KIAA1217: variants seen among roughly 807,000 people sequenced by gnomAD.
KIAA1217 encodes sickle tail protein homolog.
KIAA1217 carries 88 observed loss-of-function variants against 163.9 expected under a neutral mutation model. The observed-to-expected ratio is 0.54, with a 90% CI of 0.45 to 0.64. The LOEUF (loss-of-function observed/expected upper bound fraction) is 0.64, where lower values mean the gene tolerates loss of function less well. Ranked by LOEUF, KIAA1217 falls within the 30% of genes least tolerant of loss-of-function variation. The probability of loss-of-function intolerance (pLI) is 0.00; values close to 1 mark genes in which losing one functional copy is unlikely to be tolerated. For missense variants in KIAA1217, 2,372 were observed against 2,475.0 expected (o/e 0.96, Z 0.88); for synonymous variants, 903 against 923.1 (o/e 0.98, Z 0.39).
intron 1 of KIAA1217, among the ~76,000 whole-genome samples, chr10:23,849,029 C>G (rs1839179131): frequency 6.6e-6 from 1 of 151,892 alleles, no homozygotes; most frequent in African/African-American, 2.4e-5. Context: ...TGGCACAGTC[C>G]TAGGACAAAG....
chr10:23,698,849 A>T (rs920333380), intron 1 of KIAA1217, among the ~76,000 whole-genome samples: 2 of 151,994 alleles, frequency 1.3e-5, no homozygotes, highest in Middle Eastern at 3.4e-3. Context: ...CAGTGGCATG[A>T]TCTCTGCTTA....
chr10:23,889,496 TAC>T (rs1247996970), intron 1 of KIAA1217, among the ~76,000 whole-genome samples: 1 of 151,888 alleles, frequency 6.6e-6, no homozygotes, highest in Non-Finnish European at 1.5e-5. Context: ...GTCTTTATAT[TAC>T]AGATTTGTAA....
chr10:24,403,332 G>T (rs540061467), intron 3 of KIAA1217, among the ~76,000 whole-genome samples: 1 of 152,116 alleles, frequency 6.6e-6, no homozygotes, highest in East Asian at 1.9e-4. Context: ...TCTGCCACCC[G>T]GGTTCGAGCA....
At chr10:23,888,434 A>G (rs1193414427) in intron 1 of KIAA1217, among the ~76,000 whole-genome samples, 1 of 151,916 alleles carries the variant, frequency 6.6e-6, no homozygotes, top group Non-Finnish European at 1.5e-5. Flanking sequence ...ATAGATATAC[A>G]CATCTATAAT....
chr10:24,013,160 T>C (rs2131495249), intron 2 of KIAA1217, among the ~76,000 whole-genome samples: 1 of 152,214 alleles, frequency 6.6e-6, no homozygotes, highest in East Asian at 1.9e-4. Flanking sequence ...GATTTCACTG[T>C]TTAAAAATGG....
chr10:23,744,008 G>A (rs1363410916), intron 1 of KIAA1217, among the ~76,000 whole-genome samples: 3 of 152,204 alleles, frequency 2.0e-5, no homozygotes. Context: ...AGGGCTGGAA[G>A]GAGAGATAGT....
At chr10:23,833,454 G>A (rs1034060902) in intron 1 of KIAA1217, among the ~76,000 whole-genome samples, 5 of 150,698 alleles carry the variant, frequency 3.3e-5, no homozygotes, top group African/African-American at 1.2e-4. Flanking sequence ...CTGCACTCTA[G>A]GCTGGATGAC....
chr10:24,506,673 G>A (rs1328226450), intron 9 of KIAA1217, among the ~76,000 whole-genome samples: 5 of 152,156 alleles, frequency 3.3e-5, no homozygotes, highest in East Asian at 1.9e-4. Context: ...ACACAGGACC[G>A]TAATCCTTAG....
chr10:24,209,268 G>C lies in KIAA1217; in HGVS notation c.70+5G>C. 6.2e-7 allele frequency: 1 copy of C among 1,610,340 alleles called. No individual in the cohort carries two copies. Among genetic ancestry groups the C allele is most frequent in the Non-Finnish European group, 8.5e-7 (1 of 1,177,114 alleles). The stretch of plus-strand genomic sequence containing the variant: ...CAGACAGAAGACAGATGCAGGGTAA[G>C]TAACAGACCCATTCAAAGATGGAGT... On this transcript the variant is annotated splice_donor_5th_base_variant and intron_variant, in intron 1 of 20. Coordinates refer to ENST00000376454, the MANE Select transcript of KIAA1217 (RefSeq NM_019590.5).
At chr10:23,737,002 T>G (rs930764031) in intron 1 of KIAA1217, among the ~76,000 whole-genome samples, 5 of 152,200 alleles carry the variant, frequency 3.3e-5, no homozygotes, top group African/African-American at 1.2e-4. Context: ...AAGATCAATT[T>G]GAAAAAAAAT....
intron 1 of KIAA1217, among the ~76,000 whole-genome samples, chr10:23,901,776 T>C (rs1419992066): frequency 1.3e-5 from 2 of 151,820 alleles, no homozygotes; most frequent in African/African-American, 4.8e-5. Flanking sequence ...TGTGGTGTGG[T>C]GGTGCATGCC....
chr10:23,825,175 C>T lies in KIAA1217; in HGVS notation c.-321+129941C>T, dbSNP rs574752226. Among the ~76,000 whole-genome samples, 10 of 152,248 alleles carry T rather than the reference C, an allele frequency of 6.6e-5. 1 individual carries two copies. In the East Asian group the frequency reaches 1.9e-3, roughly 29 times the overall value. ...AAACCCTATTAGTGGTATTAGAAAA[C>T]GTCTGCATCTTTTCTTTTAAGTTAA... On this transcript the variant is annotated intron_variant, in intron 1 of 18. Coordinates refer to the KIAA1217 transcript ENST00000376462.
chr10:23,938,852 G>T (rs12246096), intron 1 of KIAA1217, among the ~76,000 whole-genome samples: 25,125 of 152,124 alleles, frequency 0.17, 4,620 homozygotes, highest in African/African-American at 0.46. Context: ...ACTTCACAAG[G>T]TATGACATTC....
chr10:24,057,819 G>T (rs554791428), intron 2 of KIAA1217, among the ~76,000 whole-genome samples: 1 of 152,204 alleles, frequency 6.6e-6, no homozygotes, highest in African/African-American at 2.4e-5. Flanking sequence ...AGCTATATGG[G>T]ATTCACACAT....
intron 1 of KIAA1217, among the ~76,000 whole-genome samples, chr10:23,967,901 G>GTT (rs1338867616): frequency 9.8e-6 from 1 of 102,530 alleles, no homozygotes; most frequent in East Asian, 2.5e-4. Context: ...TATATTAAAT[G>GTT]TGTGTGTGTG....
chr10:24,333,236 G>T (rs2045924193), intron 2 of KIAA1217, among the ~76,000 whole-genome samples: 1 of 152,044 alleles, frequency 6.6e-6, no homozygotes, highest in Non-Finnish European at 1.5e-5. Context: ...TATTGGACAG[G>T]CTGGTCTTGA....
At chr10:24,334,842 A>G (rs542525254) in intron 2 of KIAA1217, among the ~76,000 whole-genome samples, 5 of 152,338 alleles carry the variant, frequency 3.3e-5, no homozygotes, top group Admixed American at 6.5e-5. Flanking sequence ...AGGCTGGAAT[A>G]TCACTAAGAA....
At chr10:24,000,270 G>A (rs948088037) in intron 1 of KIAA1217, among the ~76,000 whole-genome samples, 3 of 152,328 alleles carry the variant, frequency 2.0e-5, no homozygotes, top group African/African-American at 7.2e-5. Flanking sequence ...GTCGTAGGAG[G>A]AAGCAGTGGG....
At chr10:23,902,739 G>A (rs1842007108) in intron 1 of KIAA1217, among the ~76,000 whole-genome samples, 1 of 152,104 alleles carries the variant, frequency 6.6e-6, no homozygotes, top group African/African-American at 2.4e-5. Context: ...ATTAAGTTAA[G>A]CAAGGAGAAA....
Sources: allele counts gnomAD v4.1 joint callset (sites outside exome capture counted in the v4.1 genomes callset), GRCh38; gene constraint gnomAD v4.1.1; transcripts MANE v1.5; gene names NCBI Gene and HGNC (gene_info 2026-07-23, HGNC 2026-07-21).